Variants in CNTN4 observed in about 807,000 individuals in gnomAD.
CNTN4 encodes the protein contactin-4.
CNTN4 carries 77 observed loss-of-function variants against 122.5 expected under a neutral mutation model. The observed-to-expected ratio is 0.63, with a 90% confidence interval of 0.52 to 0.76. The LOEUF is 0.76. Ranked by LOEUF, CNTN4 falls within the 30% of genes least tolerant of loss-of-function variation. The pLI is 0.00. For missense variants in CNTN4, 1,256 were observed against 1,259.1 expected (o/e 1.00, Z 0.04); for synonymous variants, 512 against 447.0 (o/e 1.15, Z -1.83).
chr3:2,499,730 TA>T (rs1330766099), intron 3 of CNTN4, among the ~76,000 whole-genome samples: 7 of 152,166 alleles, frequency 4.6e-5, no homozygotes, highest in Non-Finnish European at 4.4e-5. Context: ...CTTATCTTTC[TA>T]TATAAATTTT....
intron 3 of CNTN4, among the ~76,000 whole-genome samples, chr3:2,358,644 T>C (rs1382809116): frequency 6.6e-6 from 1 of 152,108 alleles, no homozygotes; most frequent in Non-Finnish European, 1.5e-5. Context: ...CTTTTCCTAT[T>C]AGCAGGTATA....
intron 3 of CNTN4, among the ~76,000 whole-genome samples, chr3:2,431,668 C>A (rs1179362165): frequency 6.6e-6 from 1 of 152,052 alleles, no homozygotes; most frequent in African/African-American, 2.4e-5. Flanking sequence ...CAGTAGAGAG[C>A]AAAGAAACAT....
chr3:2,829,299 A>G (rs2150358376), intron 7 of CNTN4, among the ~76,000 whole-genome samples: 1 of 152,332 alleles, frequency 6.6e-6, no homozygotes, highest in Non-Finnish European at 1.5e-5. Context: ...AAAGAGAGCC[A>G]CATTGATCAG....
chr3:2,108,034 A>G (rs2032597140), intron 2 of CNTN4, among the ~76,000 whole-genome samples: 1 of 152,142 alleles, frequency 6.6e-6, no homozygotes, highest in Admixed American at 6.6e-5. Flanking sequence ...CCCTCTTTCA[A>G]GATTGCCTGT....
intron 2 of CNTN4, among the ~76,000 whole-genome samples, chr3:2,207,710 C>T (rs1283577027): frequency 1.3e-5 from 2 of 152,088 alleles, no homozygotes; most frequent in Non-Finnish European, 2.9e-5. Context: ...TATGCAGAAG[C>T]TCTAGTTAAG....
intron 3 of CNTN4, among the ~76,000 whole-genome samples, chr3:2,366,362 C>T (rs1304139854): frequency 6.6e-6 from 1 of 152,144 alleles, no homozygotes; most frequent in Non-Finnish European, 1.5e-5. Flanking sequence ...GACCTAAATT[C>T]TGGGATTCTG....
chr3:2,100,070 G>A (rs1055340122), intron 1 of CNTN4, among the ~76,000 whole-genome samples: 22 of 152,214 alleles, frequency 1.4e-4, no homozygotes, highest in Admixed American at 1.3e-4. Flanking sequence ...CAGATTCGGT[G>A]CGAAGAAGCT....
chr3:2,264,242 A>G (rs1428937907), intron 2 of CNTN4, among the ~76,000 whole-genome samples: 1 of 152,098 alleles, frequency 6.6e-6, no homozygotes, highest in African/African-American at 2.4e-5. Context: ...AACAGTGTAT[A>G]AGCTTTCCCC....
rs528597238 is a variant in CNTN4, at chr3:2,294,829, C to A, written c.-144-44349C>A. 1.6e-4 allele frequency among the ~76,000 whole-genome samples: 25 copies of A among 152,092 alleles called. No homozygotes were observed. The South Asian group carries it at 5.2e-3, about 32-fold the overall frequency. On this transcript the variant is annotated intron_variant, in intron 2 of 24. Transcript: ENST00000418658. ...TCTCCTAATGCTATCCCTCCCCTCT[C>A]CCCCAACCCCACAACAGTCCCCGGT... is the stretch of plus-strand genomic sequence containing the variant.
At chr3:3,019,015 G>A (rs1311707690) in intron 14 of CNTN4, among the ~76,000 whole-genome samples, 3 of 152,276 alleles carry the variant, frequency 2.0e-5, no homozygotes, top group South Asian at 2.1e-4. Flanking sequence ...TGATAGTAAT[G>A]TATTACCACC....
chr3:2,317,105 T>A (rs116388667), intron 2 of CNTN4, among the ~76,000 whole-genome samples: 1 of 152,332 alleles, frequency 6.6e-6, no homozygotes, highest in African/African-American at 2.4e-5. Flanking sequence ...CAATACTACC[T>A]ATTTTGTTAG....
chr3:2,920,601 G>A (rs953159567), intron 12 of CNTN4, among the ~76,000 whole-genome samples: 1 of 152,076 alleles, frequency 6.6e-6, no homozygotes, highest in Non-Finnish European at 1.5e-5. Context: ...ACAATGATGT[G>A]TTTCTCGGAC....
chr3:2,249,234 C>G lies in CNTN4; in HGVS notation c.-144-89944C>G, dbSNP rs535071600. Among the ~76,000 whole-genome samples, 5 of 151,896 alleles carry G rather than the reference C, an allele frequency of 3.3e-5. No individual in the cohort carries two copies. In the South Asian group the frequency reaches 1.0e-3, roughly 32 times the overall value. On this transcript the variant is annotated intron_variant, in intron 2 of 24. Transcript: ENST00000418658. Reference sequence around the variant, plus strand: ...AGCACTATTTAGAGGGATTGATGAACTATTTTGAGAAGGTTGGGGCTGGGA... The same window carrying G: ...AGCACTATTTAGAGGGATTGATGAAGTATTTTGAGAAGGTTGGGGCTGGGA...
intron 4 of CNTN4, among the ~76,000 whole-genome samples, chr3:2,637,155 T>A (rs1211415148): frequency 6.6e-6 from 1 of 152,032 alleles, no homozygotes; most frequent in Non-Finnish European, 1.5e-5. Flanking sequence ...TTAGCCAGGC[T>A]GTTCTTGAGC....
chr3:2,734,177 C>T (rs2088907586), intron 4 of CNTN4, among the ~76,000 whole-genome samples: 1 of 152,138 alleles, frequency 6.6e-6, no homozygotes, highest in Admixed American at 6.5e-5. Context: ...CCTCCCACCT[C>T]AGCTTCCTGA....
intron 4 of CNTN4, among the ~76,000 whole-genome samples, chr3:2,686,424 C>T (rs1448489224): frequency 6.6e-6 from 1 of 152,150 alleles, no homozygotes; most frequent in South Asian, 2.1e-4. Context: ...CACACCCCAT[C>T]TCCTCCAGGA....
intron 2 of CNTN4, among the ~76,000 whole-genome samples, chr3:2,266,985 G>A (rs2041075982): frequency 6.6e-6 from 1 of 152,056 alleles, no homozygotes; most frequent in African/African-American, 2.4e-5. Context: ...TAATGTTACA[G>A]GGAATCAAAT....
At chr3:2,816,310 T>C (rs182950231) in intron 6 of CNTN4, among the ~76,000 whole-genome samples, 1,663 of 138,872 alleles carry the variant, frequency 0.012, 168 homozygotes, top group African/African-American at 0.052. Context: ...GCCGAGATCG[T>C]GGCACTGCAC....
chr3:2,352,579 C>T (rs1162338495), intron 3 of CNTN4, among the ~76,000 whole-genome samples: 2 of 152,188 alleles, frequency 1.3e-5, no homozygotes, highest in Non-Finnish European at 2.9e-5. Context: ...CAGTGCCAGC[C>T]CGCCAGTGCT....
Sources: gnomAD v4.1 joint callset for allele counts (sites outside exome capture counted in the v4.1 genomes callset) on GRCh38, gnomAD v4.1.1 for gene constraint, MANE v1.5 for transcripts, NCBI Gene and HGNC (gene_info 2026-07-23, HGNC 2026-07-21) for gene names.